Variants in NLN observed in about 807,000 individuals in gnomAD.
The protein encoded by NLN is neurolysin, mitochondrial.
In NLN, 64 loss-of-function variants were observed where a neutral mutation model predicts 79.9. That is an observed-to-expected ratio of 0.80 (90% CI 0.65 to 0.99). The LOEUF (loss-of-function observed/expected upper bound fraction) is 0.99. Ranked by LOEUF, NLN falls within the 50% of genes least tolerant of loss-of-function variation. The pLI is 0.00. For missense variants in NLN, 835 were observed against 858.7 expected (o/e 0.97, Z 0.34); for synonymous variants, 267 against 296.6 (o/e 0.90, Z 1.02).
chr5:65,780,864 G>A (rs1579945488), intron 5 of NLN, among the ~76,000 whole-genome samples: 1 of 152,160 alleles, frequency 6.6e-6, no homozygotes, highest in African/African-American at 2.4e-5. Context: ...AGTAGAGACG[G>A]GGTTTCACCA....
intron 3 of NLN, among the ~76,000 whole-genome samples, chr5:65,767,643 C>T (rs1759481489): frequency 6.6e-6 from 1 of 152,204 alleles, no homozygotes; most frequent in Admixed American, 6.5e-5. Context: ...TGAACTTCTC[C>T]CCAGAAAATG....
At chr5:65,749,101 G>A (rs1400619795) in intron 1 of NLN, among the ~76,000 whole-genome samples, 1 of 152,174 alleles carries the variant, frequency 6.6e-6, no homozygotes, top group Non-Finnish European at 1.5e-5. Flanking sequence ...TTCTCCTTCT[G>A]CTATGATTGT....
At chr5:65,793,864 TC>T (rs1760117169) in intron 9 of NLN, among the ~76,000 whole-genome samples, 1 of 152,148 alleles carries the variant, frequency 6.6e-6, no homozygotes. Context: ...CATCTTCCAT[TC>T]CAATAGCACA....
chr5:65,815,482 C>T (rs1561214512), intron 12 of NLN, among the ~76,000 whole-genome samples: 1 of 152,212 alleles, frequency 6.6e-6, no homozygotes, highest in Non-Finnish European at 1.5e-5. Context: ...TTCAGTGTTA[C>T]TAAAATTCTG....
rs1462033104 is a variant in NLN at position 65,788,433 on chromosome 5, A to G, written c.1274A>G (p.Asp425Gly). The change falls in exon 8 of 13, where the codon GAT (aspartate) becomes GGT (glycine). Residue 425 changes from aspartate to glycine, a missense_variant. Coordinates refer to ENST00000380985, the MANE Select transcript of NLN (RefSeq NM_020726.5). ...AGTGTTACACTTTATACTGTGAAGG[A>G]TAAAGCTACAGGAGAAGTATTGGGA... ...NKSVTLYTVKDKATGEVLGQF... is the reference protein window; with the variant it reads ...NKSVTLYTVKGKATGEVLGQF... 2.5e-6 allele frequency: 4 copies of G among 1,614,010 alleles called. No homozygotes were observed. The highest frequency in any genetic ancestry group is 2.2e-5 in the East Asian group (1 of 44,884).
intron 12 of NLN, among the ~76,000 whole-genome samples, chr5:65,815,383 C>T (rs1235430078): frequency 6.6e-6 from 1 of 152,248 alleles, no homozygotes; most frequent in Non-Finnish European, 1.5e-5. Flanking sequence ...AGCCATACTA[C>T]TCTTATTTAG....
chr5:65,770,255 T>TAA (rs1759538996), intron 3 of NLN, among the ~76,000 whole-genome samples: 1 of 152,160 alleles, frequency 6.6e-6, no homozygotes. Flanking sequence ...AGAGTTCAAA[T>TAA]ACTGAGAAAA....
At position 65,731,227 on chromosome 5, in the gene NLN, AG is replaced by A. The variant is rs569987195; in HGVS notation, c.41+8815del. Among the ~76,000 whole-genome samples, 375 of 152,324 alleles carry A rather than the reference AG, an allele frequency of 2.5e-3. 2 individuals are homozygous for A. The highest frequency in any genetic ancestry group is 0.01 in the Middle Eastern group (3 of 294). On this transcript the variant is annotated intron_variant, in intron 1 of 12. Coordinates refer to ENST00000380985, the MANE Select transcript of NLN (RefSeq NM_020726.5). ...TGGCAGGGTTCCATGAGAGAGTGGA[AG>A]GCAGTTGGAACTGGAACCTCATTAG...
chr5:65,748,137 G>T (rs1186254644), intron 1 of NLN, among the ~76,000 whole-genome samples: 1 of 152,184 alleles, frequency 6.6e-6, no homozygotes, highest in Non-Finnish European at 1.5e-5. Context: ...GGAGGCAGAG[G>T]TTTCAGTGAG....
rs778092888 is a variant in NLN at position 65,777,467 on chromosome 5, G to A, written c.491G>A (p.Arg164Gln). ...GGGAAGATAAAACCTGAGGCCAGACGATACTTGGAAAAGTCAATTAAAATG... is the reference window on the plus strand; with the variant it reads ...GGGAAGATAAAACCTGAGGCCAGACAATACTTGGAAAAGTCAATTAAAATG... ...DLGKIKPEAR[R>Q]YLEKSIKMGK... is the part of the protein sequence containing the mutation. The change falls in exon 4 of 13, where the codon CGA becomes CAA. Residue 164 changes from arginine to glutamine, a missense_variant. By Grantham distance (43) the Arg-to-Gln change is conservative. Transcript: ENST00000380985. 6.3e-5 allele frequency: 102 copies of A among 1,613,382 alleles called. No individual in the cohort carries two copies. Among genetic ancestry groups the A allele is most frequent in the East Asian group, 5.1e-4 (23 of 44,858 alleles).
At chr5:65,734,268 G>A (rs2150734611) in intron 1 of NLN, among the ~76,000 whole-genome samples, 1 of 139,472 alleles carries the variant, frequency 7.2e-6, no homozygotes, top group South Asian at 2.2e-4. Flanking sequence ...CCACAGTGCT[G>A]GGTTTACAGG....
intron 8 of NLN, among the ~76,000 whole-genome samples, chr5:65,791,426 C>T (rs921307615): frequency 2.0e-5 from 3 of 152,086 alleles, no homozygotes; most frequent in Non-Finnish European, 2.9e-5. Context: ...GGTGTGGTGG[C>T]AGGCACTTGT....
chr5:65,768,128 GCTT>G (rs1759494055), intron 3 of NLN, among the ~76,000 whole-genome samples: 3 of 152,056 alleles, frequency 2.0e-5, no homozygotes, highest in Admixed American at 6.5e-5. Flanking sequence ...TTTCAAAGTC[GCTT>G]CTACATTTTC....
At position 65,788,280 on chromosome 5, in the gene NLN, C is replaced by T; in HGVS notation, c.1121C>T (p.Ser374Phe). 10 of 1,613,898 alleles carry T rather than the reference C, an allele frequency of 6.2e-6. No homozygotes were observed. Among genetic ancestry groups the T allele is most frequent in the Non-Finnish European group, 8.5e-6 (10 of 1,179,794 alleles). Residue 374 changes from serine to phenylalanine, a missense_variant, in exon 8 of 13, where the codon TCC becomes TTC. Transcript: ENST00000380985. ...YMTQTEELKY[S>F]IDQEFLKEYF... Reference sequence around the variant, plus strand: ...ACTCAGACAGAGGAACTCAAGTATTCCATAGACCAAGAGTTCCTCAAGGAA... The same window carrying T: ...ACTCAGACAGAGGAACTCAAGTATTTCATAGACCAAGAGTTCCTCAAGGAA...
At chr5:65,765,357 A>C (rs1225197695) in intron 3 of NLN, among the ~76,000 whole-genome samples, 1 of 152,098 alleles carries the variant, frequency 6.6e-6, no homozygotes, top group Admixed American at 6.5e-5. Flanking sequence ...GTCTCTACTA[A>C]ATATACAAAA....
intron 3 of NLN, 66 bp from the exon 4 acceptor site, chr5:65,777,361 C>A: frequency 1.9e-6 from 2 of 1,036,556 alleles, no homozygotes; most frequent in East Asian, 2.4e-5. Context: ...TTGCTGTGGC[C>A]TCATAGTTTA....
intron 6 of NLN, among the ~76,000 whole-genome samples, chr5:65,783,219 T>C (rs72768028): frequency 0.022 from 3,321 of 152,276 alleles, 57 homozygotes; most frequent in Non-Finnish European, 0.033. Context: ...AAACAGATGA[T>C]GGTAGTGGTT....
chr5:65,772,946 CTTTTTTGT>C (rs1759600068), intron 3 of NLN, among the ~76,000 whole-genome samples: 1 of 117,316 alleles, frequency 8.5e-6, no homozygotes, highest in African/African-American at 3.3e-5. Context: ...GTTCCTAATT[CTTTTTTGT>C]TTTTTTTTTT....
intron 3 of NLN, among the ~76,000 whole-genome samples, chr5:65,776,925 T>G (rs1759693246): frequency 6.6e-6 from 1 of 152,184 alleles, no homozygotes; most frequent in Non-Finnish European, 1.5e-5. Flanking sequence ...TTGGAAGGCT[T>G]TTGCTCGGGC....
Sources: gnomAD v4.1 joint callset for allele counts (sites outside exome capture counted in the v4.1 genomes callset) on GRCh38, gnomAD v4.1.1 for gene constraint, MANE v1.5 for transcripts, NCBI Gene and HGNC (gene_info 2026-07-23, HGNC 2026-07-21) for gene names.